Variants in TMX3 observed in about 807,000 individuals in gnomAD.
The protein encoded by TMX3 is thioredoxin related transmembrane protein 3, also known as protein disulfide-isomerase TMX3.
In TMX3, 40 loss-of-function variants were observed where a neutral mutation model predicts 64.4. The ratio of observed to expected loss-of-function variants is 0.62; its 90% CI spans 0.48 to 0.81. TMX3 has a LOEUF of 0.81. TMX3 is among the 30% of genes least tolerant of loss of function. The pLI, the probability that TMX3 is intolerant of heterozygous loss-of-function variation, is 0.00. For missense variants in TMX3, 497 were observed against 534.5 expected, an observed-to-expected ratio of 0.93 and a Z score of 0.69; for synonymous variants, 189 against 175.7, an observed-to-expected ratio of 1.08 and a Z score of -0.60.
intron 8 of TMX3, among the ~76,000 whole-genome samples, chr18:68,693,665 C>A (rs1420193650): frequency 1.3e-5 from 2 of 152,082 alleles, no homozygotes; most frequent in African/African-American, 2.4e-5. Flanking sequence ...GCTGGCTCCT[C>A]GGCATGAACA....
chr18:68,712,539 A>G (rs1348213060), intron 2 of TMX3, among the ~76,000 whole-genome samples: 1 of 152,086 alleles, frequency 6.6e-6, no homozygotes, highest in Non-Finnish European at 1.5e-5. Flanking sequence ...GCTGACGAAC[A>G]GTTTGCTCTT....
chr18:68,702,282 C>A (rs1018318503), intron 4 of TMX3, among the ~76,000 whole-genome samples: 9 of 148,622 alleles, frequency 6.1e-5, no homozygotes, highest in Non-Finnish European at 1.0e-4. Context: ...CTTGTATTTG[C>A]AAAATTAATT....
chr18:68,687,307 G>A (rs1311200574), intron 10 of TMX3: 1 of 985,196 alleles, frequency 1.0e-6, no homozygotes, highest in African/African-American at 1.7e-5. Flanking sequence ...CCTTTCACAG[G>A]TAAAAGCAGG....
intron 12 of TMX3, 150 bp downstream of exon 12, chr18:68,684,040 T>C (rs1913704032): frequency 3.1e-6 from 2 of 651,656 alleles, no homozygotes; most frequent in Non-Finnish European, 5.4e-6. Flanking sequence ...TCTTGGAATG[T>C]ATCTCCTGTG....
intron 12 of TMX3, 68 bp downstream of exon 12, chr18:68,684,122 T>C (rs980061159): frequency 7.4e-5 from 85 of 1,156,116 alleles, no homozygotes; most frequent in Non-Finnish European, 1.1e-4. Context: ...ACTACTAAGT[T>C]TGCTTTACTA....
rs1912883796 is a variant in TMX3, at chr18:68,675,844, A to G, written c.*1089T>C. The G allele has an allele frequency of 2.6e-5, 4 of 152,176 alleles. No homozygotes were observed. Among genetic ancestry groups the G allele is most frequent in the Non-Finnish European group, 5.9e-5 (4 of 68,018 alleles). The allele number at this position is 152,176 out of a possible 1,614,324, so 9.4% of individuals were successfully genotyped here. ...ATGGGTGACAGAACTAAGACAATGG[A>G]GAAGGTAACTGGCTGATCTCTTTTT... is the stretch of plus-strand genomic sequence containing the variant. On this transcript the variant is annotated 3_prime_UTR_variant, in exon 16 of 16. Transcript: ENST00000299608.
intron 5 of TMX3, 176 bp from the exon 6 acceptor site, chr18:68,700,661 A>C (rs2029954212): frequency 1.1e-6 from 1 of 880,966 alleles, no homozygotes; most frequent in African/African-American, 1.8e-5. Flanking sequence ...GAGGACCAGT[A>C]ACACAAAAGA....
At chr18:68,684,077 C>T (rs1012945901) in intron 12 of TMX3, 113 bp downstream of exon 12, 10 of 801,338 alleles carry the variant, frequency 1.2e-5, no homozygotes, top group Admixed American at 2.4e-5. Context: ...TGTTATTTAA[C>T]TTCATTTCTT....
intron 5 of TMX3, chr18:68,700,978 A>G: frequency 1.0e-6 from 1 of 985,266 alleles, no homozygotes; most frequent in Non-Finnish European, 1.2e-6. Context: ...TAATTCTTCA[A>G]AAGCCAACCA....
At chr18:68,692,817 T>C (rs1914652906) in intron 8 of TMX3, among the ~76,000 whole-genome samples, 2 of 152,216 alleles carry the variant, frequency 1.3e-5, no homozygotes, top group South Asian at 2.1e-4. Context: ...ATACTAAATA[T>C]GCTCATGTAA....
At chr18:68,682,289 T>A (rs1343378974) in intron 13 of TMX3, among the ~76,000 whole-genome samples, 1 of 152,210 alleles carries the variant, frequency 6.6e-6, no homozygotes, top group African/African-American at 2.4e-5. Context: ...TCACATTTAT[T>A]AATTCAGTAC....
rs543740926 is a variant in TMX3 at position 68,703,265 on chromosome 18, T to C, written c.266-1475A>G. On this transcript the variant is annotated intron_variant, in intron 4 of 15. Coordinates refer to ENST00000299608, the MANE Select transcript of TMX3 (RefSeq NM_019022.5). ...TCAATTAAAACTCATTTTAAAAAACTGTCAAAACATAAGGACTAATATAAT... is the reference window on the plus strand; with the variant it reads ...TCAATTAAAACTCATTTTAAAAAACCGTCAAAACATAAGGACTAATATAAT... Among the ~76,000 whole-genome samples the C allele has an allele frequency of 3.3e-5, 5 of 152,350 alleles. No homozygotes were observed. In the South Asian group the frequency reaches 1.0e-3, roughly 32 times the overall value.
intron 5 of TMX3, 125 bp downstream of exon 5, chr18:68,701,620 C>T (rs1343215850): frequency 6.5e-7 from 1 of 1,535,860 alleles, no homozygotes; most frequent in Admixed American, 1.9e-5. Context: ...ACATACTTCA[C>T]CTATGAAGAA....
At chr18:68,678,360 T>C (rs1438818570) in intron 15 of TMX3, among the ~76,000 whole-genome samples, 6 of 152,080 alleles carry the variant, frequency 3.9e-5, no homozygotes, top group Admixed American at 2.6e-4. Context: ...AATTTAAGAA[T>C]TCCTCTGCTG....
intron 4 of TMX3, among the ~76,000 whole-genome samples, chr18:68,703,602 A>G (rs938007551): frequency 6.6e-6 from 1 of 152,146 alleles, no homozygotes; most frequent in African/African-American, 2.4e-5. Flanking sequence ...CTTCTGACAT[A>G]ATTTTAATTG....
chr18:68,694,609 G>A (rs972158395), intron 8 of TMX3, among the ~76,000 whole-genome samples: 3 of 152,032 alleles, frequency 2.0e-5, no homozygotes, highest in African/African-American at 7.3e-5. Context: ...CCCAGTGGGC[G>A]CAAGCAAAAC....
In TMX3 at chr18:68,715,095, G is replaced by C. The variant is rs1158862146; in HGVS notation, c.-114C>G. 6.6e-7 allele frequency: 1 copy of C among 1,523,186 alleles called. No individual in the cohort carries two copies. The highest frequency in any genetic ancestry group is 8.8e-7 in the Non-Finnish European group (1 of 1,132,350). 94.4% of individuals were successfully genotyped at this position (1,523,186 alleles called of 1,614,324 possible). A position where few individuals can be genotyped will look rare whatever the true frequency, so the allele number is the denominator to read the frequency against. On this transcript the variant is annotated 5_prime_UTR_variant, in exon 1 of 16. Coordinates refer to ENST00000299608, the MANE Select transcript of TMX3 (RefSeq NM_019022.5). Reference sequence around the variant, plus strand: ...GGAGCCGACCCGGAGCGGAAGAGAAGCACCGCGCTAACTACGGGGGCGGGG... The same window carrying C: ...GGAGCCGACCCGGAGCGGAAGAGAACCACCGCGCTAACTACGGGGGCGGGG...
At chr18:68,683,897 A>G (rs1913688910) in intron 12 of TMX3, among the ~76,000 whole-genome samples, 1 of 152,164 alleles carries the variant, frequency 6.6e-6, no homozygotes, top group South Asian at 2.1e-4. Context: ...CTATTTTATT[A>G]TTAATTACTG....
At chr18:68,685,516 G>A (rs1913858036) in intron 10 of TMX3, among the ~76,000 whole-genome samples, 1 of 151,954 alleles carries the variant, frequency 6.6e-6, no homozygotes, top group African/African-American at 2.4e-5. Context: ...CAAATGGTTC[G>A]TGAGTTTTTT....
Sources: gnomAD v4.1 joint callset for allele counts (sites outside exome capture counted in the v4.1 genomes callset) on GRCh38, gnomAD v4.1.1 for gene constraint, MANE v1.5 for transcripts, NCBI Gene and HGNC (gene_info 2026-07-23, HGNC 2026-07-21) for gene names.